NCALD: variants seen among roughly 807,000 people sequenced by gnomAD.
The protein encoded by NCALD is neurocalcin-delta.
NCALD carries 10 observed loss-of-function variants against 18.6 expected under a neutral mutation model. The observed-to-expected ratio is 0.54, with a 90% CI of 0.33 to 0.91. The LOEUF is 0.91. Ranked by LOEUF, NCALD falls within the 40% of genes least tolerant of loss-of-function variation. The pLI, the probability that NCALD is intolerant of heterozygous loss-of-function variation, is 0.03. For missense variants in NCALD, 184 were observed against 247.6 expected, an observed-to-expected ratio of 0.74 and a Z score of 1.72; for synonymous variants, 88 against 87.4, an observed-to-expected ratio of 1.01 and a Z score of -0.04.
intron 1 of NCALD, among the ~76,000 whole-genome samples, chr8:101,745,608 A>C (rs571748114): frequency 6.6e-6 from 1 of 152,318 alleles, no homozygotes; most frequent in Admixed American, 6.5e-5. Flanking sequence ...CAATGCAGTG[A>C]GTGGGCCCTG....
intron 1 of NCALD, among the ~76,000 whole-genome samples, chr8:101,742,496 TTGAC>T (rs1186090794): frequency 1.3e-5 from 2 of 152,140 alleles, no homozygotes; most frequent in Non-Finnish European, 2.9e-5. Flanking sequence ...AATATAGAAT[TTGAC>T]TGTATTCATA....
At chr8:101,779,056 T>TGTGATG (rs1811908802) in intron 1 of NCALD, among the ~76,000 whole-genome samples, 1 of 152,138 alleles carries the variant, frequency 6.6e-6, no homozygotes, top group South Asian at 2.1e-4. Flanking sequence ...TAGAAGACAG[T>TGTGATG]GAAACAAAGT....
chr8:101,814,654 T>C (rs185643849), intron 4 of NCALD, among the ~76,000 whole-genome samples: 2 of 152,064 alleles, frequency 1.3e-5, no homozygotes, highest in East Asian at 3.9e-4. Flanking sequence ...GGTAGACAGA[T>C]TGGGAAGGAT....
intron 2 of NCALD, among the ~76,000 whole-genome samples, chr8:101,699,315 A>G (rs1815149291): frequency 6.6e-6 from 1 of 152,228 alleles, no homozygotes; most frequent in Non-Finnish European, 1.5e-5. Context: ...TGTTGGTGGG[A>G]ACATAAATTA....
chr8:101,783,135 T>C (rs563949209), intron 1 of NCALD, among the ~76,000 whole-genome samples: 1 of 152,312 alleles, frequency 6.6e-6, no homozygotes, highest in East Asian at 1.9e-4. Context: ...AATATTTTCA[T>C]AGGCACTTAA....
intron 2 of NCALD, among the ~76,000 whole-genome samples, chr8:101,926,063 C>A (rs541613923): frequency 1.2e-4 from 18 of 152,294 alleles, no homozygotes; most frequent in African/African-American, 3.6e-4. Flanking sequence ...GGCAACCAAT[C>A]CCAGACTTCA....
intron 1 of NCALD, among the ~76,000 whole-genome samples, chr8:101,722,616 AAGCAC>A (rs1816412229): frequency 6.6e-6 from 1 of 152,200 alleles, no homozygotes; most frequent in African/African-American, 2.4e-5. Flanking sequence ...CCAATGTATA[AAGCAC>A]TGTTTCTTCA....
At chr8:101,896,433 G>A (rs1451263549) in intron 3 of NCALD, among the ~76,000 whole-genome samples, 17 of 151,986 alleles carry the variant, frequency 1.1e-4, no homozygotes, top group Admixed American at 3.3e-4. Flanking sequence ...CCTAGGCATT[G>A]CCATTCAGGA....
At chr8:101,982,691 A>T (rs894667678) in intron 2 of NCALD, among the ~76,000 whole-genome samples, 1 of 152,106 alleles carries the variant, frequency 6.6e-6, no homozygotes, top group African/African-American at 2.4e-5. Context: ...ATACAAAAAA[A>T]TTAGCTGGGT....
intron 1 of NCALD, among the ~76,000 whole-genome samples, chr8:102,055,454 T>C (rs966693185): frequency 6.6e-6 from 1 of 152,214 alleles, no homozygotes; most frequent in Non-Finnish European, 1.5e-5. Flanking sequence ...TATAAGTGCT[T>C]GACAAATATT....
At chr8:101,742,441 T>G (rs185421710) in intron 1 of NCALD, among the ~76,000 whole-genome samples, 18 of 152,310 alleles carry the variant, frequency 1.2e-4, no homozygotes, top group Admixed American at 1.2e-3. Context: ...AGTCAATTGC[T>G]TATTTCTTTA....
At chr8:101,775,055 T>C (rs930969457) in intron 1 of NCALD, among the ~76,000 whole-genome samples, 9 of 152,170 alleles carry the variant, frequency 5.9e-5, no homozygotes, top group African/African-American at 1.4e-4. Flanking sequence ...TCAGGGTTGT[T>C]TTCCCAGTTG....
chr8:101,736,274 T>C (rs890343715), intron 1 of NCALD, among the ~76,000 whole-genome samples: 1 of 152,196 alleles, frequency 6.6e-6, no homozygotes, highest in Non-Finnish European at 1.5e-5. Flanking sequence ...ATGTATAGCA[T>C]CATCAATCTT....
chr8:102,114,944 A>G (rs1267151387), intron 1 of NCALD, among the ~76,000 whole-genome samples: 1 of 152,210 alleles, frequency 6.6e-6, no homozygotes, highest in East Asian at 1.9e-4. Flanking sequence ...CCAGGTAGGT[A>G]AAAGGACACC....
intron 2 of NCALD, among the ~76,000 whole-genome samples, chr8:101,943,963 A>C (rs1211302205): frequency 1.7e-5 from 2 of 120,766 alleles, no homozygotes; most frequent in African/African-American, 6.0e-5. Flanking sequence ...CAAAAAACAA[A>C]AAACAAACAA....
chr8:102,055,963 G>A (rs535111399), intron 1 of NCALD, among the ~76,000 whole-genome samples: 37 of 152,192 alleles, frequency 2.4e-4, no homozygotes, highest in African/African-American at 8.9e-4. Flanking sequence ...AACACTGAGA[G>A]GTATGTTTCA....
At chr8:101,872,064 A>T in intron 4 of NCALD, 1 of 1,426,648 alleles carries the variant, frequency 7.0e-7, no homozygotes, top group Non-Finnish European at 9.8e-7. Flanking sequence ...CCATGGGCAG[A>T]TTCCTATCAG....
rs536860293 is a variant in NCALD at position 101,886,839 on chromosome 8, T to A, written c.-20+302A>T. ...AACAAGCCAGGTTTTTACTCCATTA[T>A]CATATGTCCTGTTTTGTTTTACTAA... is the stretch of plus-strand genomic sequence containing the variant. On this transcript the variant is annotated intron_variant, in intron 4 of 6. Transcript: ENST00000311028. Among the ~76,000 whole-genome samples the A allele has an allele frequency of 5.9e-5, 9 of 152,310 alleles. No individual in the cohort carries two copies. The East Asian group carries it at 1.7e-3, about 29-fold the overall frequency.
intron 1 of NCALD, among the ~76,000 whole-genome samples, chr8:102,040,881 C>T (rs1823027936): frequency 6.6e-6 from 1 of 152,200 alleles, no homozygotes; most frequent in Non-Finnish European, 1.5e-5. Flanking sequence ...GGGAAGCTCC[C>T]TATGCCAGGG....
Sources: allele counts gnomAD v4.1 joint callset (sites outside exome capture counted in the v4.1 genomes callset), GRCh38; gene constraint gnomAD v4.1.1; transcripts MANE v1.5; gene names NCBI Gene and HGNC (gene_info 2026-07-23, HGNC 2026-07-21).